The following RB1 variants were observed in gnomAD, a reference collection of about 807,000 sequenced individuals.
RB1 encodes the protein retinoblastoma-associated protein.
A neutral mutation model predicts 135.4 loss-of-function variants in RB1; 18 were observed. The ratio of observed to expected loss-of-function variants is 0.13; its 90% confidence interval spans 0.09 to 0.20. RB1 has a LOEUF of 0.20. Among genes scored for constraint, RB1 ranks in the 10% least tolerant of loss-of-function variants. The pLI is 1.00. For synonymous variants in RB1, 365 were observed against 373.2 expected (o/e 0.98, Z 0.25); for missense variants, 868 against 1,110.0 (o/e 0.78, Z 3.10).
At chr13:48,350,396 A>G (rs1952537329) in intron 6 of RB1, among the ~76,000 whole-genome samples, 1 of 152,186 alleles carries the variant, frequency 6.6e-6, no homozygotes, top group Non-Finnish European at 1.5e-5. Context: ...AGATACATGG[A>G]AATTAAACAA....
At chr13:48,452,397 T>C (rs960826345) in intron 17 of RB1, among the ~76,000 whole-genome samples, 1 of 152,158 alleles carries the variant, frequency 6.6e-6, no homozygotes, top group Non-Finnish European at 1.5e-5. Context: ...ATGTAAGTTA[T>C]TTTATTTCTT....
rs2138344648 is a variant in RB1 at position 48,465,024 on chromosome 13, AGAG to A, written c.2242_2244del (p.Glu748del). 1.2e-6 allele frequency: 2 copies of A among 1,605,008 alleles called. No homozygotes were observed. Among genetic ancestry groups the A allele is most frequent in the Non-Finnish European group, 1.7e-6 (2 of 1,176,786 alleles). On this transcript the variant is annotated inframe_deletion, in exon 22 of 27. Coordinates refer to ENST00000267163, the MANE Select transcript of RB1 (RefSeq NM_000321.3). ...CATTCAAACGTGTTTTGATCAAAGA[AGAG>A]GAGTATGATTCTATTATAGTATTCT...
At chr13:48,378,941 T>C (rs1245410866) in intron 13 of RB1, among the ~76,000 whole-genome samples, 1 of 152,182 alleles carries the variant, frequency 6.6e-6, no homozygotes, top group Non-Finnish European at 1.5e-5. Context: ...AATAATATGG[T>C]GTGTGTTTAT....
intron 17 of RB1, among the ~76,000 whole-genome samples, chr13:48,420,659 T>C (rs1433011400): frequency 6.6e-6 from 1 of 152,166 alleles, no homozygotes; most frequent in East Asian, 1.9e-4. Context: ...GCCCAAAATC[T>C]CCTTAAGCTG....
chr13:48,371,807 G>T (rs1952761221), intron 11 of RB1, among the ~76,000 whole-genome samples: 2 of 152,094 alleles, frequency 1.3e-5, no homozygotes, highest in South Asian at 4.1e-4. Flanking sequence ...CAATTCCCGG[G>T]CCAGAGACTG....
intron 16 of RB1, 31 bp from the exon 17 acceptor site, chr13:48,381,216 A>G: frequency 6.4e-7 from 1 of 1,569,874 alleles, no homozygotes; most frequent in Non-Finnish European, 8.6e-7. Flanking sequence ...TTAATATTTC[A>G]TAAATAGTTA....
intron 11 of RB1, among the ~76,000 whole-genome samples, chr13:48,370,460 A>G (rs1172439875): frequency 2.0e-5 from 3 of 152,182 alleles, no homozygotes; most frequent in Non-Finnish European, 4.4e-5. Flanking sequence ...GGGTTTTTGG[A>G]TCTTCTGACC....
At chr13:48,435,893 T>A (rs1391018019) in intron 17 of RB1, among the ~76,000 whole-genome samples, 6 of 152,178 alleles carry the variant, frequency 3.9e-5, no homozygotes, top group Non-Finnish European at 2.9e-5. Context: ...GATGTAGAAT[T>A]TAAACTAATT....
intron 2 of RB1, among the ~76,000 whole-genome samples, chr13:48,340,527 AAAC>A (rs1475597899): frequency 8.6e-5 from 13 of 152,034 alleles, no homozygotes; most frequent in Non-Finnish European, 1.3e-4. Flanking sequence ...AAAAATGAAT[AAAC>A]AACATACTAA....
chr13:48,346,401 TGTGTGTGTGTG>T, intron 4 of RB1, among the ~76,000 whole-genome samples: 1 of 150,450 alleles, frequency 6.6e-6, no homozygotes, highest in African/African-American at 2.5e-5. Context: ...TGTGTGTGTG[TGTGTGTGTGTG>T]TGGCTTTTAA....
At chr13:48,390,152 C>A (rs2138157380) in intron 17 of RB1, among the ~76,000 whole-genome samples, 1 of 152,140 alleles carries the variant, frequency 6.6e-6, no homozygotes, top group East Asian at 1.9e-4. Context: ...GCCTCAAAAA[C>A]AAACAAAACA....
intron 17 of RB1, chr13:48,412,346 C>G: frequency 6.2e-7 from 1 of 1,613,544 alleles, no homozygotes; most frequent in Non-Finnish European, 8.5e-7. Flanking sequence ...GCACAAACAC[C>G]ATGCTGAACA....
intron 2 of RB1, among the ~76,000 whole-genome samples, chr13:48,307,820 G>T (rs1444097254): frequency 6.6e-6 from 1 of 150,432 alleles, no homozygotes; most frequent in Non-Finnish European, 1.5e-5. Flanking sequence ...CCGAGATCGT[G>T]CCACTGCACT....
chr13:48,454,765 C>G (rs1369355440), intron 18 of RB1, among the ~76,000 whole-genome samples: 1 of 152,206 alleles, frequency 6.6e-6, no homozygotes, highest in Non-Finnish European at 1.5e-5. Flanking sequence ...GCTAGCTAGG[C>G]AAAAACCTGC....
chr13:48,421,798 C>T (rs1263230448), intron 17 of RB1, among the ~76,000 whole-genome samples: 2 of 152,152 alleles, frequency 1.3e-5, no homozygotes, highest in African/African-American at 4.8e-5. Context: ...TAATGAAATG[C>T]AAATCAAAAC....
At chr13:48,321,846 A>C (rs528285110) in intron 2 of RB1, among the ~76,000 whole-genome samples, 1 of 151,980 alleles carries the variant, frequency 6.6e-6, no homozygotes, top group South Asian at 2.1e-4. Context: ...ACAGGAGTGA[A>C]ACTGCATTGC....
chr13:48,409,569 G>GTT (rs1948772358), intron 17 of RB1, among the ~76,000 whole-genome samples: 1 of 90,518 alleles, frequency 1.1e-5, no homozygotes, highest in African/African-American at 4.3e-5. Context: ...AGAACTGCTT[G>GTT]ATTTTTTTTT....
At chr13:48,409,823 C>T (rs978042868) in intron 17 of RB1, among the ~76,000 whole-genome samples, 5 of 151,950 alleles carry the variant, frequency 3.3e-5, no homozygotes, top group Non-Finnish European at 5.9e-5. Flanking sequence ...TTATGATCCA[C>T]CCGCCTCAGC....
At chr13:48,479,902 G>A (rs1476120100) in intron 26 of RB1, 96 bp from the exon 27 acceptor site, 58 of 905,170 alleles carry the variant, frequency 6.4e-5, no homozygotes, top group Non-Finnish European at 8.0e-5. Context: ...GGTCCTGAGC[G>A]CCATCAGTTT....
Sources: allele counts gnomAD v4.1 joint callset (sites outside exome capture counted in the v4.1 genomes callset), GRCh38; gene constraint gnomAD v4.1.1; transcripts MANE v1.5; gene names NCBI Gene and HGNC (gene_info 2026-07-23, HGNC 2026-07-21).